The following VPS13A variants were observed in gnomAD, a reference collection of about 807,000 sequenced individuals.
VPS13A encodes the protein vacuolar protein sorting 13 homolog A.
Under a neutral mutation model 390.9 loss-of-function variants are expected in VPS13A, and 264 were observed. That is an observed-to-expected ratio of 0.68 (90% CI 0.61 to 0.75). The LOEUF is 0.75. VPS13A is among the 30% of genes least tolerant of loss of function. VPS13A has a pLI of 0.00. For missense variants in VPS13A, 3,409 were observed against 3,733.9 expected, an observed-to-expected ratio of 0.91 and a Z score of 2.27; for synonymous variants, 1,231 against 1,227.1, an observed-to-expected ratio of 1.00 and a Z score of -0.07.
At chr9:77,348,275 A>G (rs1327640788) in intron 52 of VPS13A, among the ~76,000 whole-genome samples, 1 of 152,228 alleles carries the variant, frequency 6.6e-6, no homozygotes, top group Admixed American at 6.5e-5. Context: ...CATATACACC[A>G]TGGATACTAT....
chr9:77,217,838 G>T (rs1822948576), intron 10 of VPS13A, among the ~76,000 whole-genome samples: 1 of 148,192 alleles, frequency 6.7e-6, no homozygotes, highest in Admixed American at 6.7e-5. Context: ...ACCCAGTAAT[G>T]GAATTGCTGG....
intron 45 of VPS13A, among the ~76,000 whole-genome samples, chr9:77,327,404 A>G (rs985358309): frequency 6.6e-6 from 1 of 152,180 alleles, no homozygotes; most frequent in African/African-American, 2.4e-5. Flanking sequence ...GTGTAGAAAT[A>G]TTTCTGTTGC....
At chr9:77,415,881 A>G (rs1818845296) in intron 71 of VPS13A, 75 bp from the exon 72 acceptor site, 2 of 1,550,088 alleles carry the variant, frequency 1.3e-6, no homozygotes, top group Admixed American at 1.7e-5. Context: ...TAACTTCTAG[A>G]TCTCCATTCA....
intron 52 of VPS13A, 37 bp from the exon 53 acceptor site, chr9:77,351,280 G>A (rs1831450229): frequency 1.9e-6 from 3 of 1,607,346 alleles, no homozygotes; most frequent in Non-Finnish European, 2.6e-6. Flanking sequence ...TCGTGTACTT[G>A]CATTTAATTT....
At chr9:77,346,402 G>T (rs1230077321) in intron 52 of VPS13A, among the ~76,000 whole-genome samples, 1 of 152,106 alleles carries the variant, frequency 6.6e-6, no homozygotes, top group African/African-American at 2.4e-5. Context: ...ATTTGTTTGA[G>T]ATCCTTACAG....
chr9:77,250,071 T>A, intron 20 of VPS13A, 26 bp from the exon 21 acceptor site: 2 of 1,612,432 alleles, frequency 1.2e-6, no homozygotes, highest in South Asian at 2.2e-5. Context: ...TTTTGCATAG[T>A]CTAAACTATT....
chr9:77,317,957 A>G (rs1829502425), intron 40 of VPS13A, among the ~76,000 whole-genome samples: 1 of 151,850 alleles, frequency 6.6e-6, no homozygotes, highest in South Asian at 2.1e-4. Context: ...TTTATACTTC[A>G]TCAGTTTAAT....
chr9:77,192,544 G>A (rs1824746672), intron 1 of VPS13A, among the ~76,000 whole-genome samples: 1 of 152,128 alleles, frequency 6.6e-6, no homozygotes, highest in Non-Finnish European at 1.5e-5. Flanking sequence ...TGGTGGTAAT[G>A]AGTTCCCTTA....
At chr9:77,268,584 G>A (rs939280923) in intron 23 of VPS13A, among the ~76,000 whole-genome samples, 3 of 152,110 alleles carry the variant, frequency 2.0e-5, no homozygotes, top group Admixed American at 6.5e-5. Context: ...GGTTGGAGTT[G>A]TTCATATTCA....
rs1166519405 is a variant in VPS13A at position 77,405,920 on chromosome 9, A to G, written c.9332A>G (p.Tyr3111Cys). The G allele has an allele frequency of 1.2e-6, 2 of 1,613,834 alleles. No homozygotes were observed. Among genetic ancestry groups the G allele is most frequent in the Non-Finnish European group, 1.7e-6 (2 of 1,179,994 alleles). Residue 3111 changes from tyrosine to cysteine, a missense_variant, in exon 70 of 72, where the codon TAT (tyrosine) becomes TGT (cysteine). By Grantham distance (194) the Tyr-to-Cys change is radical. This residue lies in a region of VPS13A where 318 missense variants were observed against 333.7 expected (regional missense o/e 0.95). Transcript: ENST00000360280. ...TFGQLTCEWQ[Y>C]SFDEFTKEPF... ...GGACAACTCACGTGTGAGTGGCAGT[A>G]TAGTTTTGATGAATTTACCAAAGAG...
intron 17 of VPS13A, 148 bp downstream of exon 17, chr9:77,228,412 G>A: frequency 1.4e-6 from 1 of 695,834 alleles, no homozygotes; most frequent in Non-Finnish European, 2.2e-6. Flanking sequence ...TTTTTTAATT[G>A]TTAAGATAAT....
At position 77,344,229 on chromosome 9, in the gene VPS13A, G is replaced by T; in HGVS notation, c.7103G>T (p.Arg2368Met). The T allele has an allele frequency of 2.5e-6, 4 of 1,613,406 alleles. No homozygotes were observed. Among genetic ancestry groups the T allele is most frequent in the Non-Finnish European group, 3.4e-6 (4 of 1,179,612 alleles). Residue 2368 changes from arginine to methionine, a missense_variant, in exon 51 of 72, where the codon AGG becomes ATG. Transcript: ENST00000360280. ...GAAAGGAGTGAAGATCCTCCCAAAA[G>T]GATATATTTTAACAAGCAGGAAAAT... ...QVERSEDPPK[R>M]IYFNKQENCI...
chr9:77,410,416 T>C (rs1834862947), intron 71 of VPS13A, among the ~76,000 whole-genome samples: 1 of 152,124 alleles, frequency 6.6e-6, no homozygotes, highest in Admixed American at 6.5e-5. Context: ...GCTAACATCA[T>C]AATGACAGGA....
chr9:77,369,182 G>A, intron 62 of VPS13A, 117 bp from the exon 63 acceptor site: 2 of 760,904 alleles, frequency 2.6e-6, no homozygotes, highest in Non-Finnish European at 4.7e-6. Context: ...TGGTTTAGGA[G>A]TTGAAATTGG....
rs997953605 is a variant in VPS13A, at chr9:77,247,850, G to A, written c.2037+455G>A. 5.3e-5 allele frequency among the ~76,000 whole-genome samples: 8 copies of A among 152,078 alleles called. No homozygotes were observed. The East Asian group carries it at 1.4e-3, about 26-fold the overall frequency. On this transcript the variant is annotated intron_variant, in intron 20 of 71. Transcript: ENST00000360280. ...TAATTTTTGTATTTTTAGTAGAGAC[G>A]GAATTTCACTATGTTGCAGACTGGT...
chr9:77,205,210 A>G (rs1825566962), intron 3 of VPS13A, 103 bp from the exon 4 acceptor site: 2 of 488,958 alleles, frequency 4.1e-6, no homozygotes, highest in East Asian at 6.7e-5. Context: ...GACAAAGGCC[A>G]CTTTATTATC....
rs1375333107 is a variant in VPS13A at position 77,266,931 on chromosome 9, C to CGAT, written c.2428-6349_2428-6348insGAT. Among the ~76,000 whole-genome samples the CGAT allele has an allele frequency of 7.2e-5, 11 of 151,996 alleles. No homozygotes were observed. The South Asian group carries it at 2.3e-3, about 32-fold the overall frequency. On this transcript the variant is annotated intron_variant, in intron 23 of 71. Coordinates refer to ENST00000360280, the MANE Select transcript of VPS13A (RefSeq NM_033305.3). ...TAAGTTGATCTTCAATCTCTGATAT[C>CGAT]CTTTCTTCCGCTTGATCGATTTGGC...
chr9:77,296,432 TC>T (rs1828005684), intron 33 of VPS13A, among the ~76,000 whole-genome samples: 2 of 152,312 alleles, frequency 1.3e-5, no homozygotes, highest in African/African-American at 4.8e-5. Context: ...CTTGAATCCT[TC>T]TCTATTTATA....
At chr9:77,185,732 C>T (rs201683752) in intron 1 of VPS13A, among the ~76,000 whole-genome samples, 1 of 122,420 alleles carries the variant, frequency 8.2e-6, no homozygotes, top group Non-Finnish European at 1.9e-5. Context: ...TAATTTTTTT[C>T]TCCTGTCTTA....
Sources: allele counts gnomAD v4.1 joint callset (sites outside exome capture counted in the v4.1 genomes callset), GRCh38; gene constraint gnomAD v4.1.1; regional missense constraint gnomAD v4.1.1; transcripts MANE v1.5; gene names NCBI Gene and HGNC (gene_info 2026-07-23, HGNC 2026-07-21).